Variants in IL1RAPL1 observed in about 807,000 individuals in gnomAD.
The protein encoded by IL1RAPL1 is interleukin-1 receptor accessory protein-like 1.
A neutral mutation model predicts 48.4 loss-of-function variants in IL1RAPL1; 3 were observed. The observed-to-expected ratio is 0.06, with a 90% CI of 0.03 to 0.16. IL1RAPL1 has a LOEUF of 0.16. Among genes scored for constraint, IL1RAPL1 ranks in the 10% least tolerant of loss-of-function variants. IL1RAPL1 has a pLI of 1.00. For synonymous variants in IL1RAPL1, 185 were observed against 187.7 expected (o/e 0.99, Z 0.12); for missense variants, 349 against 530.6 (o/e 0.66, Z 3.36).
chrX:29,245,717 T>C (rs970613406), intron 2 of IL1RAPL1, among the ~76,000 whole-genome samples: 37 of 112,117 alleles, frequency 3.3e-4, no homozygotes, highest in Non-Finnish European at 3.2e-4. Flanking sequence ...TTTCTCCCAT[T>C]CTGTAGGTTG....
chrX:29,190,677 T>C (rs1930335343), intron 2 of IL1RAPL1, among the ~76,000 whole-genome samples: 1 of 112,348 alleles, frequency 8.9e-6, no homozygotes, highest in Admixed American at 9.5e-5. Flanking sequence ...TGAACCATAA[T>C]TATGAACTAT....
intron 1 of IL1RAPL1, among the ~76,000 whole-genome samples, chrX:28,674,007 T>A (rs1934974027): frequency 8.9e-6 from 1 of 111,837 alleles, no homozygotes; most frequent in South Asian, 3.7e-4. Flanking sequence ...AAGCACAGGC[T>A]TTCTTTCAGT....
At chrX:29,903,049 TTCCAAAGAACTA>T (rs1459373188) in intron 6 of IL1RAPL1, among the ~76,000 whole-genome samples, 1 of 110,933 alleles carries the variant, frequency 9.0e-6, no homozygotes, top group Non-Finnish European at 1.9e-5. Context: ...AATCTCTGAT[TTCCAAAGAACTA>T]TCTGTGCTTT....
chrX:28,763,976 T>A (rs764121381), intron 1 of IL1RAPL1, among the ~76,000 whole-genome samples: 1 of 110,761 alleles, frequency 9.0e-6, no homozygotes, highest in Non-Finnish European at 1.9e-5. Context: ...GTATGCCCTA[T>A]TTTCATATTT....
chrX:29,250,577 C>A (rs757897087), intron 2 of IL1RAPL1, among the ~76,000 whole-genome samples: 1 of 111,625 alleles, frequency 9.0e-6, no homozygotes, highest in East Asian at 2.8e-4. Context: ...AGGTCTCTTC[C>A]TAAATGTTCT....
intron 6 of IL1RAPL1, among the ~76,000 whole-genome samples, chrX:29,879,581 G>A (rs1354915216): frequency 9.2e-6 from 1 of 108,987 alleles, no homozygotes; most frequent in Non-Finnish European, 1.9e-5. Flanking sequence ...AAGCTGGAAG[G>A]GTACTCAAGA....
intron 5 of IL1RAPL1, among the ~76,000 whole-genome samples, chrX:29,611,889 C>T (rs1472069512): frequency 1.8e-5 from 2 of 111,101 alleles, no homozygotes; most frequent in African/African-American, 6.6e-5. Context: ...GCCTGATCTC[C>T]TCTTGGACCG....
intron 2 of IL1RAPL1, among the ~76,000 whole-genome samples, chrX:29,211,923 GTC>G (rs1930776163): frequency 9.0e-6 from 1 of 110,778 alleles, no homozygotes; most frequent in Non-Finnish European, 1.9e-5. Context: ...CAGTCTTATA[GTC>G]TCAGAAAATC....
intron 1 of IL1RAPL1, among the ~76,000 whole-genome samples, chrX:28,693,794 G>A (rs1264390733): frequency 1.8e-5 from 2 of 111,647 alleles, no homozygotes; most frequent in Non-Finnish European, 3.8e-5. Context: ...TTGTCAGCAG[G>A]GAGCCCTGCT....
intron 5 of IL1RAPL1, among the ~76,000 whole-genome samples, chrX:29,636,712 T>A (rs1157616782): frequency 9.0e-6 from 1 of 111,653 alleles, no homozygotes; most frequent in Admixed American, 9.5e-5. Flanking sequence ...TATGTAAAGC[T>A]ACTCTTTGTC....
intron 2 of IL1RAPL1, among the ~76,000 whole-genome samples, chrX:28,965,917 T>A (rs181818235): frequency 4.8e-4 from 52 of 108,687 alleles, no homozygotes; most frequent in African/African-American, 1.7e-3. Flanking sequence ...ATTTTGTGCC[T>A]TTTATTCTTG....
chrX:28,684,025 G>A (rs1212403653), intron 1 of IL1RAPL1, among the ~76,000 whole-genome samples: 2 of 112,206 alleles, frequency 1.8e-5, no homozygotes, highest in African/African-American at 6.5e-5. Flanking sequence ...CAGGGATTTG[G>A]ACATGGACAT....
At chrX:29,483,609 TA>T (rs1192116954) in intron 5 of IL1RAPL1, among the ~76,000 whole-genome samples, 1 of 111,321 alleles carries the variant, frequency 9.0e-6, no homozygotes, top group African/African-American at 3.3e-5. Flanking sequence ...AAGATAGAAA[TA>T]AATTATTCTT....
At chrX:29,588,414 A>T (rs1291259656) in intron 5 of IL1RAPL1, among the ~76,000 whole-genome samples, 1 of 112,284 alleles carries the variant, frequency 8.9e-6, no homozygotes. Context: ...AAATTGATAG[A>T]AGCTATGAGT....
At chrX:29,202,138 G>C (rs1784759462) in intron 2 of IL1RAPL1, among the ~76,000 whole-genome samples, 1 of 112,222 alleles carries the variant, frequency 8.9e-6, no homozygotes, top group South Asian at 3.7e-4. Context: ...CTAATATCCA[G>C]CATCTATAGG....
intron 6 of IL1RAPL1, among the ~76,000 whole-genome samples, chrX:29,805,478 T>C (rs1438906760): frequency 9.0e-6 from 1 of 110,807 alleles, no homozygotes; most frequent in Non-Finnish European, 1.9e-5. Flanking sequence ...TGCAAGATGT[T>C]AAAAGCACTC....
At chrX:28,997,552 T>G (rs778473316) in intron 2 of IL1RAPL1, among the ~76,000 whole-genome samples, 1 of 111,486 alleles carries the variant, frequency 9.0e-6, no homozygotes, top group East Asian at 2.8e-4. Flanking sequence ...TTTGGCATAC[T>G]GGCATACTTA....
chrX:28,917,164 A>T (rs1332555131), intron 2 of IL1RAPL1, among the ~76,000 whole-genome samples: 1 of 112,053 alleles, frequency 8.9e-6, no homozygotes, highest in Non-Finnish European at 1.9e-5. Context: ...GCCTGAGGGA[A>T]GATGGATTAT....
intron 1 of IL1RAPL1, among the ~76,000 whole-genome samples, chrX:28,693,243 C>G (rs1935197897): frequency 8.9e-6 from 1 of 111,822 alleles, no homozygotes; most frequent in African/African-American, 3.3e-5. Context: ...TCTTTGGCAG[C>G]TATATGGCTG....
Sources: allele counts gnomAD v4.1 joint callset (sites outside exome capture counted in the v4.1 genomes callset), GRCh38; gene constraint gnomAD v4.1.1; transcripts MANE v1.5; gene names NCBI Gene and HGNC (gene_info 2026-07-23, HGNC 2026-07-21).